The following ST8SIA2 variants were observed in gnomAD, a reference collection of about 807,000 sequenced individuals.
ST8SIA2 encodes alpha-2,8-sialyltransferase 8B.
A neutral mutation model predicts 37.6 loss-of-function variants in ST8SIA2; 22 were observed. The ratio of observed to expected loss-of-function variants is 0.58; its 90% confidence interval spans 0.42 to 0.83. ST8SIA2 has a LOEUF of 0.83. Among genes scored for constraint, ST8SIA2 ranks in the 40% least tolerant of loss-of-function variants. The probability of loss-of-function intolerance (pLI) is 0.00; values close to 1 mark genes in which losing one functional copy is unlikely to be tolerated. For synonymous variants in ST8SIA2, 205 were observed against 201.2 expected (o/e 1.02, Z -0.16); for missense variants, 382 against 484.7 (o/e 0.79, Z 1.99).
At chr15:92,442,848 A>T (rs1301622885) in intron 4 of ST8SIA2, among the ~76,000 whole-genome samples, 1 of 152,186 alleles carries the variant, frequency 6.6e-6, no homozygotes, top group African/African-American at 2.4e-5. Flanking sequence ...AATCACAAAC[A>T]GGCTCTTTGA....
At chr15:92,425,393 A>T (rs1271837996) in intron 1 of ST8SIA2, among the ~76,000 whole-genome samples, 1 of 152,248 alleles carries the variant, frequency 6.6e-6, no homozygotes, top group African/African-American at 2.4e-5. Context: ...ACGACTTCAG[A>T]AGAAAACCCC....
At position 92,465,851 on chromosome 15, in the gene ST8SIA2, G is replaced by C. The variant is rs2049988485; in HGVS notation, c.*1466G>C. Reference sequence around the variant, plus strand: ...TCTGGGCTCGAGGCCTACAACTTAGGGGCTGGAATCACAGGTCTCACATAG... The same window carrying C: ...TCTGGGCTCGAGGCCTACAACTTAGCGGCTGGAATCACAGGTCTCACATAG... On this transcript the variant is annotated 3_prime_UTR_variant, in exon 6 of 6. Transcript: ENST00000268164. The C allele has an allele frequency of 6.6e-6, 1 of 152,150 alleles. No homozygotes were observed. The highest frequency in any genetic ancestry group is 2.4e-5 in the African/African-American group (1 of 41,440). 9.4% of individuals were successfully genotyped at this position (152,150 alleles called of 1,614,324 possible). A position where few individuals can be genotyped will look rare whatever the true frequency, so the allele number is the denominator to read the frequency against.
rs562372715 is a variant in ST8SIA2 at position 92,444,471 on chromosome 15, G to A, written c.549-165G>A. Among the ~76,000 whole-genome samples, 3 of 152,338 alleles carry A rather than the reference G, an allele frequency of 2.0e-5. No individual in the cohort carries two copies. The East Asian group carries it at 5.8e-4, about 29-fold the overall frequency. ...TCAGTAAACCTTTGTGGCAGAAAAA[G>A]GAGGAGAAAGGATGATGGGAGGGGC... On this transcript the variant is annotated intron_variant, in intron 4 of 5. Transcript: ENST00000268164.
intron 1 of ST8SIA2, among the ~76,000 whole-genome samples, chr15:92,416,635 G>T (rs74029028): frequency 6.6e-6 from 1 of 152,104 alleles, no homozygotes; most frequent in Non-Finnish European, 1.5e-5. Flanking sequence ...CAGAGAGAAC[G>T]TGCCGTTGGA....
intron 1 of ST8SIA2, among the ~76,000 whole-genome samples, chr15:92,405,718 A>G (rs1435216678): frequency 6.6e-6 from 1 of 152,230 alleles, no homozygotes; most frequent in African/African-American, 2.4e-5. Context: ...TTAGAAAAAT[A>G]CAAATCATCA....
chr15:92,430,109 T>C lies in ST8SIA2; in HGVS notation c.159T>C (p.Asn53=). 1.9e-6 allele frequency: 3 copies of C among 1,613,898 alleles called. No individual in the cohort carries two copies. Among genetic ancestry groups the C allele is most frequent in the South Asian group, 1.1e-5 (1 of 91,058 alleles). Residue 53 remains asparagine (N), a splice_region_variant and synonymous_variant, in exon 2 of 6, where the codon AAT becomes AAC. Coordinates refer to ENST00000268164, the MANE Select transcript of ST8SIA2 (RefSeq NM_006011.4). The part of the protein sequence containing the change: ...SAVNSLHSKS[N]RAEVVINGSS... ...TGAACAGCTTACATAGCAAATCTAA[T>C]AGGTTTGTAAATTAGATTTTGTGTT...
chr15:92,402,013 CT>C (rs1269216409), intron 1 of ST8SIA2, among the ~76,000 whole-genome samples: 4 of 152,018 alleles, frequency 2.6e-5, no homozygotes, highest in Non-Finnish European at 4.4e-5. Flanking sequence ...GATAATGTTC[CT>C]TTTTCCTTTG....
intron 4 of ST8SIA2, among the ~76,000 whole-genome samples, chr15:92,442,755 T>C (rs1201335400): frequency 6.6e-6 from 1 of 152,174 alleles, no homozygotes; most frequent in East Asian, 1.9e-4. Flanking sequence ...TCCTATCTGC[T>C]TACAATGTTT....
At chr15:92,428,263 T>G (rs900328356) in intron 1 of ST8SIA2, among the ~76,000 whole-genome samples, 1 of 152,152 alleles carries the variant, frequency 6.6e-6, no homozygotes, top group Non-Finnish European at 1.5e-5. Flanking sequence ...GTGCAGTTGA[T>G]AAATATGAAA....
At chr15:92,416,046 G>C (rs2049583822) in intron 1 of ST8SIA2, among the ~76,000 whole-genome samples, 1 of 152,138 alleles carries the variant, frequency 6.6e-6, no homozygotes, top group South Asian at 2.1e-4. Flanking sequence ...AAAGGAGAGA[G>C]AGGCATGTGG....
intron 1 of ST8SIA2, among the ~76,000 whole-genome samples, chr15:92,429,136 G>A (rs915269031): frequency 1.3e-5 from 2 of 152,128 alleles, no homozygotes; most frequent in Non-Finnish European, 2.9e-5. Context: ...CCAACACCTT[G>A]ACTGAAAGGC....
At chr15:92,413,450 G>A (rs1455452812) in intron 1 of ST8SIA2, among the ~76,000 whole-genome samples, 2 of 152,158 alleles carry the variant, frequency 1.3e-5, no homozygotes, top group Non-Finnish European at 2.9e-5. Flanking sequence ...GTTCTCATTT[G>A]CCACCTCATT....
intron 1 of ST8SIA2, chr15:92,421,049 G>A (rs1169646060): frequency 6.6e-6 from 1 of 152,238 alleles, no homozygotes; most frequent in African/African-American, 2.4e-5. Flanking sequence ...TAAATTGGGT[G>A]CAAAGACCTT....
intron 1 of ST8SIA2, among the ~76,000 whole-genome samples, chr15:92,394,820 C>T (rs1253588990): frequency 6.6e-6 from 1 of 152,206 alleles, no homozygotes; most frequent in Non-Finnish European, 1.5e-5. Flanking sequence ...AGCCAAGCCA[C>T]GGCAACCCCG....
At chr15:92,459,780 G>T (rs1462220627) in intron 5 of ST8SIA2, among the ~76,000 whole-genome samples, 1 of 152,172 alleles carries the variant, frequency 6.6e-6, no homozygotes, top group Non-Finnish European at 1.5e-5. Context: ...TGTATTTTTA[G>T]TAGAGACGGG....
At chr15:92,419,149 C>T (rs984369252) in intron 1 of ST8SIA2, among the ~76,000 whole-genome samples, 1 of 152,162 alleles carries the variant, frequency 6.6e-6, no homozygotes, top group Non-Finnish European at 1.5e-5. Context: ...CACCCTCATC[C>T]AACACCGATG....
At chr15:92,459,119 C>A (rs991085407) in intron 5 of ST8SIA2, among the ~76,000 whole-genome samples, 2 of 152,144 alleles carry the variant, frequency 1.3e-5, no homozygotes, top group African/African-American at 4.8e-5. Context: ...TGATTCGATT[C>A]CTCTCTCCCC....
At chr15:92,404,022 A>G (rs554131724) in intron 1 of ST8SIA2, among the ~76,000 whole-genome samples, 1 of 152,298 alleles carries the variant, frequency 6.6e-6, no homozygotes, top group African/African-American at 2.4e-5. Flanking sequence ...AAAGCCAGTT[A>G]AGGCTCCACA....
intron 1 of ST8SIA2, among the ~76,000 whole-genome samples, chr15:92,419,944 C>A (rs1451840974): frequency 3.9e-5 from 6 of 152,214 alleles, no homozygotes; most frequent in Non-Finnish European, 8.8e-5. Flanking sequence ...CGGCTCACTG[C>A]AACCTCCGCC....
Sources: allele counts gnomAD v4.1 joint callset (sites outside exome capture counted in the v4.1 genomes callset), GRCh38; gene constraint gnomAD v4.1.1; transcripts MANE v1.5; gene names NCBI Gene and HGNC (gene_info 2026-07-23, HGNC 2026-07-21).